The following COL5A2 variants were observed in gnomAD, a reference collection of about 807,000 sequenced individuals.
COL5A2 encodes the protein collagen alpha-2(V) chain.
A neutral mutation model predicts 208.2 loss-of-function variants in COL5A2; 23 were observed. The ratio of observed to expected loss-of-function variants is 0.11; its 90% confidence interval spans 0.08 to 0.16. COL5A2 has a LOEUF of 0.16. COL5A2 is among the 10% of genes least tolerant of loss of function. The pLI is 1.00. For missense variants in COL5A2, 1,590 were observed against 1,956.4 expected, an observed-to-expected ratio of 0.81 and a Z score of 3.53; for synonymous variants, 625 against 628.5, an observed-to-expected ratio of 0.99 and a Z score of 0.08.
At chr2:189,308,548 G>A in the COL5A2 span, among the ~76,000 whole-genome samples, 1 of 152,078 alleles carries the variant, frequency 6.6e-6, no homozygotes, top group African/African-American at 2.4e-5. Context: ...CTTGATCCAG[G>A]AGAGAATTAA....
chr2:189,255,847 T>C, the COL5A2 span, among the ~76,000 whole-genome samples: 16 of 152,228 alleles, frequency 1.1e-4, no homozygotes, highest in East Asian at 3.1e-3. Context: ...ATTAAGATAA[T>C]GTTTCATAAA....
chr2:189,260,484 C>T, the COL5A2 span, among the ~76,000 whole-genome samples: 3 of 152,104 alleles, frequency 2.0e-5, no homozygotes, highest in East Asian at 3.9e-4. Context: ...CTTAGATTTG[C>T]GGTATGAAAA....
the COL5A2 span, among the ~76,000 whole-genome samples, chr2:189,291,419 A>C: frequency 6.6e-6 from 1 of 152,168 alleles, no homozygotes; most frequent in Admixed American, 6.5e-5. Flanking sequence ...ACAATTTCAT[A>C]AGAATAAAAT....
At chr2:189,179,378 C>T in intron 1 of COL5A2, 130 bp downstream of exon 1, 1 of 1,023,696 alleles carries the variant, frequency 9.8e-7, no homozygotes, top group Non-Finnish European at 1.5e-6. Flanking sequence ...TTTCCAGGTG[C>T]AAATCCGTCA....
the COL5A2 span, among the ~76,000 whole-genome samples, chr2:189,266,852 T>C: frequency 1.3e-5 from 2 of 152,112 alleles, no homozygotes; most frequent in African/African-American, 4.8e-5. Flanking sequence ...GGTAGTCAAA[T>C]GAAATATATA....
At chr2:189,097,413 T>C (rs527508213) in intron 5 of COL5A2, 83 bp from the exon 6 acceptor site, 31 of 1,426,848 alleles carry the variant, frequency 2.2e-5, no homozygotes, top group African/African-American at 2.0e-4. Context: ...TAAAAGAAAA[T>C]TGGAAAACAG....
chr2:189,271,894 C>A, the COL5A2 span, among the ~76,000 whole-genome samples: 3,923 of 152,170 alleles, frequency 0.026, 177 homozygotes, highest in African/African-American at 0.09. Flanking sequence ...ATGTGGCCAA[C>A]AAACATATTT....
At chr2:189,353,347 G>A in the COL5A2 span, among the ~76,000 whole-genome samples, 2 of 152,126 alleles carry the variant, frequency 1.3e-5, no homozygotes, top group African/African-American at 2.4e-5. Context: ...GTAGCTTTAC[G>A]GAGATAGCAA....
chr2:189,314,162 C>T, the COL5A2 span, among the ~76,000 whole-genome samples: 6 of 152,318 alleles, frequency 3.9e-5, no homozygotes, highest in South Asian at 1.0e-3. Flanking sequence ...TACTACATGG[C>T]ACTTACTGTA....
At chr2:189,163,483 A>G (rs1688409680) in intron 1 of COL5A2, among the ~76,000 whole-genome samples, 1 of 152,240 alleles carries the variant, frequency 6.6e-6, no homozygotes, top group African/African-American at 2.4e-5. Context: ...ATCATCTTTT[A>G]TAACAGCATC....
chr2:189,074,311 ATAAGTAT>A (rs1489763963), intron 17 of COL5A2, among the ~76,000 whole-genome samples: 1 of 152,114 alleles, frequency 6.6e-6, no homozygotes, highest in Non-Finnish European at 1.5e-5. Flanking sequence ...AGATCTAGTT[ATAAGTAT>A]TCAGATTTTC....
the COL5A2 span, among the ~76,000 whole-genome samples, chr2:189,417,791 G>A: frequency 6.6e-6 from 1 of 151,636 alleles, no homozygotes; most frequent in South Asian, 2.1e-4. Context: ...TTATGGCTGA[G>A]TATTGTTCCA....
the COL5A2 span, among the ~76,000 whole-genome samples, chr2:189,328,048 G>C: frequency 3.9e-5 from 6 of 152,098 alleles, no homozygotes; most frequent in African/African-American, 1.4e-4. Context: ...TCCATATGAA[G>C]AGCCAACTTC....
chr2:189,177,667 C>T (rs181365072), intron 1 of COL5A2, among the ~76,000 whole-genome samples: 88 of 152,086 alleles, frequency 5.8e-4, no homozygotes, highest in African/African-American at 1.3e-3. Flanking sequence ...TTATACTGTT[C>T]GCGGGGGGTA....
At chr2:189,431,604 A>T in the COL5A2 span, among the ~76,000 whole-genome samples, 1 of 152,204 alleles carries the variant, frequency 6.6e-6, no homozygotes, top group Non-Finnish European at 1.5e-5. Context: ...CAGTGATTCA[A>T]GATCAAATTA....
At chr2:189,133,912 A>T (rs575636852) in intron 1 of COL5A2, among the ~76,000 whole-genome samples, 1 of 152,214 alleles carries the variant, frequency 6.6e-6, no homozygotes, top group African/African-American at 2.4e-5. Context: ...TTGGGAAGAC[A>T]TACATGAAAT....
At chr2:189,435,295 G>A in the COL5A2 span, among the ~76,000 whole-genome samples, 1 of 152,102 alleles carries the variant, frequency 6.6e-6, no homozygotes, top group Non-Finnish European at 1.5e-5. Context: ...AACACCAAAA[G>A]CAATGGCAAC....
chr2:189,113,259 A>G (rs962672340), intron 1 of COL5A2, among the ~76,000 whole-genome samples: 7 of 152,120 alleles, frequency 4.6e-5, no homozygotes, highest in Non-Finnish European at 8.8e-5. Flanking sequence ...GTGAGATACT[A>G]TCTCTGCAAA....
At chr2:189,323,387 G>A in the COL5A2 span, among the ~76,000 whole-genome samples, 1 of 152,176 alleles carries the variant, frequency 6.6e-6, no homozygotes, top group East Asian at 1.9e-4. Flanking sequence ...AATTGTCACT[G>A]TTTGCAGATG....
Sources: allele counts gnomAD v4.1 joint callset (sites outside exome capture counted in the v4.1 genomes callset), GRCh38; gene constraint gnomAD v4.1.1; transcripts MANE v1.5; gene names NCBI Gene and HGNC (gene_info 2026-07-23, HGNC 2026-07-21).